PLCB1: variants seen among roughly 807,000 people sequenced by gnomAD.
PLCB1 encodes the protein 1-phosphatidylinositol 4,5-bisphosphate phosphodiesterase beta-1.
Under a neutral mutation model 161.8 loss-of-function variants are expected in PLCB1, and 46 were observed. That is an observed-to-expected ratio of 0.28 (90% CI 0.22 to 0.36). The LOEUF is 0.36. Among genes scored for constraint, PLCB1 ranks in the 10% least tolerant of loss-of-function variants. PLCB1 has a pLI of 1.00. For synonymous variants in PLCB1, 517 were observed against 503.7 expected (o/e 1.03, Z -0.35); for missense variants, 1,016 against 1,472.5 (o/e 0.69, Z 5.07).
At chr20:8,457,205 T>A (rs1981353973) in intron 3 of PLCB1, among the ~76,000 whole-genome samples, 1 of 152,180 alleles carries the variant, frequency 6.6e-6, no homozygotes, top group African/African-American at 2.4e-5. Flanking sequence ...TGAAGCACTG[T>A]CCCCTCTCTA....
chr20:8,790,386 C>T (rs2039854943), intron 31 of PLCB1, 125 bp downstream of exon 31: 2 of 635,014 alleles, frequency 3.1e-6, no homozygotes, highest in Admixed American at 5.9e-5. Flanking sequence ...ATATGAAACT[C>T]ATGTATCTTT....
At chr20:8,295,734 G>C (rs1983596949) in intron 2 of PLCB1, among the ~76,000 whole-genome samples, 1 of 151,720 alleles carries the variant, frequency 6.6e-6, no homozygotes, top group African/African-American at 2.4e-5. Flanking sequence ...TTATTTTTGA[G>C]ACAGAGTCTC....
At chr20:8,189,024 CA>C (rs1183153380) in intron 2 of PLCB1, among the ~76,000 whole-genome samples, 1 of 151,740 alleles carries the variant, frequency 6.6e-6, no homozygotes, top group East Asian at 1.9e-4. Context: ...AATATTTATT[CA>C]AAAGTAATGT....
At chr20:8,431,170 A>G (rs1056442771) in intron 3 of PLCB1, among the ~76,000 whole-genome samples, 2 of 152,176 alleles carry the variant, frequency 1.3e-5, no homozygotes, top group Non-Finnish European at 2.9e-5. Context: ...AGTGTAAAAG[A>G]AAACTGAAGC....
At chr20:8,240,156 A>T (rs1481956338) in intron 2 of PLCB1, among the ~76,000 whole-genome samples, 1 of 151,740 alleles carries the variant, frequency 6.6e-6, no homozygotes, top group African/African-American at 2.4e-5. Flanking sequence ...TTTTTCATGA[A>T]AAAAAACAAA....
chr20:8,873,460 T>C (rs1297185948), intron 31 of PLCB1, among the ~76,000 whole-genome samples: 1 of 152,138 alleles, frequency 6.6e-6, no homozygotes, highest in African/African-American at 2.4e-5. Context: ...ACATTCAGAG[T>C]TCTACATTTT....
At chr20:8,179,052 T>G (rs2051811887) in intron 2 of PLCB1, among the ~76,000 whole-genome samples, 1 of 152,228 alleles carries the variant, frequency 6.6e-6, no homozygotes, top group Non-Finnish European at 1.5e-5. Flanking sequence ...TAGTATAGTT[T>G]GAAGTCAGGT....
intron 2 of PLCB1, among the ~76,000 whole-genome samples, chr20:8,162,340 T>C (rs557555778): frequency 6.6e-6 from 1 of 152,344 alleles, no homozygotes; most frequent in East Asian, 1.9e-4. Context: ...TGACCTTATA[T>C]AACTATTTTA....
intron 12 of PLCB1, among the ~76,000 whole-genome samples, chr20:8,713,137 C>A (rs1367640291): frequency 2.6e-5 from 4 of 152,092 alleles, no homozygotes; most frequent in Non-Finnish European, 5.9e-5. Flanking sequence ...GCTAGGACAC[C>A]TACCTCTTGT....
chr20:8,606,244 G>T (rs1481698288), intron 3 of PLCB1, among the ~76,000 whole-genome samples: 1 of 152,110 alleles, frequency 6.6e-6, no homozygotes, highest in Non-Finnish European at 1.5e-5. Flanking sequence ...ATAGTAAAAA[G>T]ACCTAAGTCA....
intron 2 of PLCB1, among the ~76,000 whole-genome samples, chr20:8,158,884 G>A (rs1017011696): frequency 1.3e-5 from 2 of 152,228 alleles, no homozygotes; most frequent in African/African-American, 4.8e-5. Flanking sequence ...ATGGCCTTGG[G>A]CAACTCCGCC....
At chr20:8,677,148 A>G (rs987607938) in intron 9 of PLCB1, among the ~76,000 whole-genome samples, 1 of 152,134 alleles carries the variant, frequency 6.6e-6, no homozygotes, top group African/African-American at 2.4e-5. Context: ...AATCCCAGCA[A>G]TTTGGGAGGC....
chr20:8,522,755 C>G (rs1984402722), intron 3 of PLCB1, among the ~76,000 whole-genome samples: 1 of 152,084 alleles, frequency 6.6e-6, no homozygotes, highest in Non-Finnish European at 1.5e-5. Flanking sequence ...ACTAAGTGTT[C>G]TAAGCCACAA....
intron 2 of PLCB1, among the ~76,000 whole-genome samples, chr20:8,266,756 G>T (rs1048576056): frequency 2.0e-5 from 3 of 152,136 alleles, no homozygotes; most frequent in Non-Finnish European, 4.4e-5. Context: ...GGGTACATCT[G>T]GGCCGGGTGC....
intron 2 of PLCB1, among the ~76,000 whole-genome samples, chr20:8,151,334 C>G (rs980428805): frequency 6.6e-6 from 1 of 152,156 alleles, no homozygotes; most frequent in African/African-American, 2.4e-5. Context: ...CTGGAGTTGC[C>G]TGTCAGCTTT....
intron 3 of PLCB1, among the ~76,000 whole-genome samples, chr20:8,626,461 T>C (rs1242584174): frequency 6.6e-6 from 1 of 152,150 alleles, no homozygotes; most frequent in Non-Finnish European, 1.5e-5. Flanking sequence ...GTTTATCAAG[T>C]TTTGAGCAAA....
At chr20:8,466,042 T>C (rs1232723) in intron 3 of PLCB1, among the ~76,000 whole-genome samples, 24 of 143,128 alleles carry the variant, frequency 1.7e-4, no homozygotes, top group African/African-American at 5.8e-4. Flanking sequence ...TATTGCGGCA[T>C]TATTCACAAT....
chr20:8,715,208 T>C (rs572176179), intron 12 of PLCB1, among the ~76,000 whole-genome samples: 1 of 152,330 alleles, frequency 6.6e-6, no homozygotes, highest in East Asian at 1.9e-4. Context: ...AACTTTGTAA[T>C]GATATTTAAC....
chr20:8,659,007 A>G (rs765410190), intron 9 of PLCB1, among the ~76,000 whole-genome samples: 4 of 152,156 alleles, frequency 2.6e-5, no homozygotes, highest in Non-Finnish European at 5.9e-5. Flanking sequence ...GGAAATCACT[A>G]TCTTTAGGTT....
Sources: allele counts gnomAD v4.1 joint callset (sites outside exome capture counted in the v4.1 genomes callset), GRCh38; gene constraint gnomAD v4.1.1; transcripts MANE v1.5; gene names NCBI Gene and HGNC (gene_info 2026-07-23, HGNC 2026-07-21).